NPAS3: variants seen among roughly 807,000 people sequenced by gnomAD.
NPAS3 encodes the protein neuronal PAS domain protein 3, also known as neuronal PAS domain-containing protein 3.
A neutral mutation model predicts 73.1 loss-of-function variants in NPAS3; 14 were observed. That is an observed-to-expected ratio of 0.19 (90% CI 0.13 to 0.30). The LOEUF (loss-of-function observed/expected upper bound fraction) is 0.30, where lower values mean the gene tolerates loss of function less well. Among genes scored for constraint, NPAS3 ranks in the 10% least tolerant of loss-of-function variants. The probability of loss-of-function intolerance (pLI) is 1.00; values close to 1 mark genes in which losing one functional copy is unlikely to be tolerated. For missense variants in NPAS3, 1,096 were observed against 1,250.0 expected, an observed-to-expected ratio of 0.88 and a Z score of 1.86; for synonymous variants, 620 against 541.5, an observed-to-expected ratio of 1.14 and a Z score of -2.01.
chr14:33,305,521 G>A (rs2042720190), intron 3 of NPAS3, among the ~76,000 whole-genome samples: 1 of 152,044 alleles, frequency 6.6e-6, no homozygotes, highest in African/African-American at 2.4e-5. Context: ...ATGAGTTTTT[G>A]TAAGTCAGAA....
chr14:33,746,498 C>T (rs1219059517), intron 7 of NPAS3, among the ~76,000 whole-genome samples: 1 of 144,962 alleles, frequency 6.9e-6, no homozygotes, highest in African/African-American at 2.8e-5. Flanking sequence ...TCTACTGACT[C>T]ATTCTTTTTT....
intron 5 of NPAS3, among the ~76,000 whole-genome samples, chr14:33,580,210 A>G (rs2056607919): frequency 6.7e-6 from 1 of 150,194 alleles, no homozygotes; most frequent in African/African-American, 2.4e-5. Context: ...ACATATGCAC[A>G]AAGCAACTAA....
Position 33,629,721 on chromosome 14 carries a change from C to T in NPAS3, c.559-46490C>T, listed in dbSNP as rs73272956. On this transcript the variant is annotated intron_variant, in intron 5 of 11. Coordinates refer to ENST00000356141, the Ensembl canonical transcript of NPAS3. ...GCATTTCAGACACACTGTCTTCTGT[C>T]GAGTCCACAGCCATTTGTTTTTCTA... 3.1e-3 allele frequency among the ~76,000 whole-genome samples: 471 copies of T among 151,850 alleles called. 4 individuals are homozygous for T. Among genetic ancestry groups the T allele is most frequent in the African/African-American group, 0.011 (446 of 41,416 alleles).
chr14:33,707,350 T>TC (rs1402217008), intron 6 of NPAS3, among the ~76,000 whole-genome samples: 2 of 150,954 alleles, frequency 1.3e-5, no homozygotes, highest in African/African-American at 4.9e-5. Flanking sequence ...TTTTTTTTTT[T>TC]CAAAAGGAGA....
At chr14:33,546,339 G>T (rs549358963) in intron 4 of NPAS3, among the ~76,000 whole-genome samples, 1 of 152,148 alleles carries the variant, frequency 6.6e-6, no homozygotes, top group Non-Finnish European at 1.5e-5. Context: ...CTCCAACACC[G>T]CAACACTTCC....
In NPAS3 at chr14:33,057,845, G is replaced by A. The variant is rs367963671; in HGVS notation, c.140+1851G>A. Among the ~76,000 whole-genome samples, 18 of 152,224 alleles carry A rather than the reference G, an allele frequency of 1.2e-4. 1 individual carries two copies. In the East Asian group the frequency reaches 1.4e-3, roughly 11 times the overall value. On this transcript the variant is annotated intron_variant, in intron 2 of 11. Transcript: ENST00000356141. ...GAGTACTGTCACTGAGATGATTAATGGTGTTGTGTATTTTAGTGAAGATGC... is the reference window on the plus strand; with the variant it reads ...GAGTACTGTCACTGAGATGATTAATAGTGTTGTGTATTTTAGTGAAGATGC...
intron 1 of NPAS3, among the ~76,000 whole-genome samples, chr14:32,989,667 C>CAACAA (rs201809474): frequency 2.9e-3 from 348 of 121,388 alleles, no homozygotes; most frequent in African/African-American, 8.9e-3. Context: ...ACAACAACAA[C>CAACAA]AACAAAACAA....
At chr14:32,995,734 C>A (rs2038541441) in intron 1 of NPAS3, among the ~76,000 whole-genome samples, 2 of 152,220 alleles carry the variant, frequency 1.3e-5, no homozygotes, top group Admixed American at 1.3e-4. Context: ...TCCTTGCCTT[C>A]TATCATGATT....
At chr14:33,688,618 TACTTCAA>T (rs1467615439) in intron 6 of NPAS3, among the ~76,000 whole-genome samples, 3 of 152,198 alleles carry the variant, frequency 2.0e-5, no homozygotes, top group African/African-American at 7.2e-5. Context: ...CCTCAGGGTG[TACTTCAA>T]GCTTTCCCAA....
chr14:33,225,995 G>T (rs1433092594), intron 3 of NPAS3, among the ~76,000 whole-genome samples: 1 of 152,156 alleles, frequency 6.6e-6, no homozygotes, highest in African/African-American at 2.4e-5. Flanking sequence ...TGTCATGATG[G>T]CTGTCATGAC....
In NPAS3 at chr14:33,513,325, C is replaced by T. The variant is rs527813031; in HGVS notation, c.469-46796C>T. ...ACACATAGTTATCTGTAGTACTCTTCTTGGTAACAAATTAGAATTCTGTTA... is the reference window on the plus strand; with the variant it reads ...ACACATAGTTATCTGTAGTACTCTTTTTGGTAACAAATTAGAATTCTGTTA... On this transcript the variant is annotated intron_variant, in intron 4 of 11. Transcript: ENST00000356141. Among the ~76,000 whole-genome samples the T allele has an allele frequency of 6.6e-5, 10 of 152,100 alleles. No individual in the cohort carries two copies. In the South Asian group the frequency reaches 2.1e-3, roughly 32 times the overall value.
chr14:33,549,981 A>C (rs2055034446), intron 4 of NPAS3, among the ~76,000 whole-genome samples: 1 of 152,174 alleles, frequency 6.6e-6, no homozygotes, highest in South Asian at 2.1e-4. Context: ...TTTTTAAAAA[A>C]CAAACAACAA....
chr14:33,024,753 T>A (rs1401092261), intron 1 of NPAS3, among the ~76,000 whole-genome samples: 1 of 152,224 alleles, frequency 6.6e-6, no homozygotes, highest in African/African-American at 2.4e-5. Flanking sequence ...AGGCTAATTC[T>A]GAATGTTGGG....
intron 4 of NPAS3, among the ~76,000 whole-genome samples, chr14:33,387,439 T>A (rs761053597): frequency 2.0e-5 from 3 of 152,188 alleles, no homozygotes; most frequent in Non-Finnish European, 4.4e-5. Context: ...AGTATTCAGT[T>A]ACCCATTTTT....
At chr14:32,947,491 A>G (rs1017525386) in intron 1 of NPAS3, among the ~76,000 whole-genome samples, 1 of 152,180 alleles carries the variant, frequency 6.6e-6, no homozygotes, top group Non-Finnish European at 1.5e-5. Context: ...ATCCACTTCT[A>G]AAAACATATA....
At chr14:33,209,709 C>T (rs928633524) in intron 2 of NPAS3, among the ~76,000 whole-genome samples, 1 of 152,162 alleles carries the variant, frequency 6.6e-6, no homozygotes, top group Non-Finnish European at 1.5e-5. Flanking sequence ...TCCATAAAAA[C>T]CTGTCTGTCT....
intron 5 of NPAS3, among the ~76,000 whole-genome samples, chr14:33,629,026 T>G (rs1319359894): frequency 6.6e-6 from 1 of 151,606 alleles, no homozygotes; most frequent in Non-Finnish European, 1.5e-5. Flanking sequence ...GGTCAGGAGA[T>G]CGAGACCATC....
intron 1 of NPAS3, among the ~76,000 whole-genome samples, chr14:33,028,724 T>C (rs1411458595): frequency 1.3e-5 from 2 of 152,166 alleles, no homozygotes; most frequent in Non-Finnish European, 2.9e-5. Context: ...AGAAATACAC[T>C]TACTGGGAAA....
intron 7 of NPAS3, among the ~76,000 whole-genome samples, chr14:33,753,692 T>C (rs1377387284): frequency 6.6e-6 from 1 of 152,182 alleles, no homozygotes; most frequent in Non-Finnish European, 1.5e-5. Context: ...GGTTCCTTGA[T>C]CTGACTTCAG....
Sources: gnomAD v4.1 joint callset for allele counts (sites outside exome capture counted in the v4.1 genomes callset) on GRCh38, gnomAD v4.1.1 for gene constraint, MANE v1.5 for transcripts, NCBI Gene and HGNC (gene_info 2026-07-23, HGNC 2026-07-21) for gene names.